The following CHN2 variants were observed in gnomAD, a reference collection of about 807,000 sequenced individuals.
CHN2 encodes beta-chimaerin.
Under a neutral mutation model 56.3 loss-of-function variants are expected in CHN2, and 35 were observed. The observed-to-expected ratio is 0.62, with a 90% CI of 0.47 to 0.82. CHN2 has a LOEUF of 0.82. CHN2 is among the 40% of genes least tolerant of loss of function. The pLI is 0.00. For missense variants in CHN2, 491 were observed against 580.5 expected, an observed-to-expected ratio of 0.85 and a Z score of 1.58; for synonymous variants, 210 against 212.8, an observed-to-expected ratio of 0.99 and a Z score of 0.12.
chr7:29,413,861 A>C (rs1481695647), intron 6 of CHN2, among the ~76,000 whole-genome samples: 1 of 152,160 alleles, frequency 6.6e-6, no homozygotes, highest in East Asian at 1.9e-4. Context: ...TCTTCCCAAT[A>C]TCGGTACTCA....
chr7:29,454,335 T>C (rs1209393376), intron 6 of CHN2, among the ~76,000 whole-genome samples: 2 of 140,260 alleles, frequency 1.4e-5, no homozygotes, highest in South Asian at 4.4e-4. Context: ...TCATTATTGC[T>C]GTTACATATC....
At chr7:29,285,651 A>C (rs1792088473) in intron 1 of CHN2, among the ~76,000 whole-genome samples, 1 of 152,212 alleles carries the variant, frequency 6.6e-6, no homozygotes, top group Non-Finnish European at 1.5e-5. Flanking sequence ...GTATGTCTTC[A>C]CCAACATGTA....
chr7:29,483,072 C>T (rs1490841739), intron 7 of CHN2, among the ~76,000 whole-genome samples: 4 of 151,972 alleles, frequency 2.6e-5, no homozygotes, highest in African/African-American at 4.8e-5. Context: ...CCGCCCGTCT[C>T]GGCCTCCCAA....
chr7:29,386,948 G>C (rs1399497142), intron 3 of CHN2, among the ~76,000 whole-genome samples: 2 of 152,218 alleles, frequency 1.3e-5, no homozygotes, highest in Non-Finnish European at 2.9e-5. Flanking sequence ...TGTAAATTTT[G>C]AGAGCCAACA....
intron 1 of CHN2, among the ~76,000 whole-genome samples, chr7:29,195,680 A>G (rs1393929066): frequency 6.7e-6 from 1 of 149,882 alleles, no homozygotes; most frequent in Non-Finnish European, 1.5e-5. Context: ...CTCCTTAGAG[A>G]TTTTCTGATA....
intron 8 of CHN2, 69 bp from the exon 9 acceptor site, chr7:29,499,798 C>G (rs1430148793): frequency 1.4e-6 from 2 of 1,394,000 alleles, no homozygotes; most frequent in East Asian, 2.4e-5. Context: ...TTATTTTTGG[C>G]AACATATAAT....
At chr7:29,309,656 G>A (rs958888632) in intron 1 of CHN2, among the ~76,000 whole-genome samples, 11 of 152,334 alleles carry the variant, frequency 7.2e-5, no homozygotes, top group South Asian at 2.1e-4. Context: ...ATCCAGTTGC[G>A]TAACTTCGGG....
At chr7:29,490,376 A>C (rs534526543) in intron 7 of CHN2, among the ~76,000 whole-genome samples, 19 of 152,220 alleles carry the variant, frequency 1.2e-4, no homozygotes, top group Admixed American at 1.2e-3. Context: ...TTATACTACC[A>C]TAGGATCTCC....
At chr7:29,195,210 G>T (rs1042511957) in intron 1 of CHN2, 4 of 472,732 alleles carry the variant, frequency 8.5e-6, no homozygotes, top group Non-Finnish European at 1.1e-5. Context: ...GAGAGCGGTG[G>T]TGCCCTTAGT....
intron 1 of CHN2, among the ~76,000 whole-genome samples, chr7:29,315,968 A>T (rs1324824233): frequency 6.6e-6 from 1 of 152,230 alleles, no homozygotes; most frequent in East Asian, 1.9e-4. Context: ...ATTTAATACC[A>T]TTCACCTAGT....
intron 1 of CHN2, among the ~76,000 whole-genome samples, chr7:29,278,996 T>TTC (rs397819234): frequency 5.2e-5 from 4 of 76,240 alleles, no homozygotes; most frequent in Non-Finnish European, 1.0e-4. Flanking sequence ...GGTCCAGCTG[T>TTC]CCCCCCCCAA....
chr7:29,296,097 T>C (rs1793135688), intron 1 of CHN2, among the ~76,000 whole-genome samples: 1 of 152,086 alleles, frequency 6.6e-6, no homozygotes, highest in African/African-American at 2.4e-5. Context: ...TTTTTTTTTT[T>C]TTTTAAGACA....
chr7:29,512,945 T>C lies in CHN2; in HGVS notation c.*210T>C. ...GTGAAGGTGAGGGAAGCCCCTCACC[T>C]TGGGTCTTTTGCTGTGCCTCCTATG... On this transcript the variant is annotated 3_prime_UTR_variant, in exon 13 of 13. Transcript: ENST00000222792. 1 of 476,246 alleles carries C rather than the reference T, an allele frequency of 2.1e-6. No homozygotes were observed. The highest frequency in any genetic ancestry group is 3.3e-5 in the East Asian group (1 of 30,332). The allele number at this position is 476,246 out of a possible 1,614,324, so 29.5% of individuals were successfully genotyped here.
At chr7:29,151,865 A>G (rs78014243) in intron 2 of CHN2, among the ~76,000 whole-genome samples, 1,867 of 152,384 alleles carry the variant, frequency 0.012, 21 homozygotes, top group Non-Finnish European at 0.019. Context: ...ATAGCCATCA[A>G]CACAATGTCT....
At chr7:29,320,361 G>T (rs751613900) in intron 1 of CHN2, among the ~76,000 whole-genome samples, 51 of 152,204 alleles carry the variant, frequency 3.4e-4, no homozygotes, top group Non-Finnish European at 5.6e-4. Context: ...GCCCCCTGCA[G>T]GGGGGTGCTA....
chr7:29,331,728 A>T (rs1270508907), intron 1 of CHN2, among the ~76,000 whole-genome samples: 2 of 152,164 alleles, frequency 1.3e-5, no homozygotes, highest in Admixed American at 1.3e-4. Flanking sequence ...AGGAGTGCAG[A>T]GGGTGGTTAA....
chr7:29,504,301 T>C (rs1220619049), intron 9 of CHN2, among the ~76,000 whole-genome samples: 1 of 152,174 alleles, frequency 6.6e-6, no homozygotes, highest in African/African-American at 2.4e-5. Flanking sequence ...ATCTTATGCC[T>C]GTATCAAAAT....
intron 1 of CHN2, among the ~76,000 whole-genome samples, chr7:29,197,155 C>T (rs1783800629): frequency 1.3e-5 from 2 of 152,142 alleles, no homozygotes; most frequent in African/African-American, 2.4e-5. Context: ...GGCAGCTGGG[C>T]TCTCTCAGGG....
intron 1 of CHN2, among the ~76,000 whole-genome samples, chr7:29,251,142 CA>C (rs1788479159): frequency 6.6e-6 from 1 of 152,144 alleles, no homozygotes; most frequent in South Asian, 2.1e-4. Context: ...GGATGTTTTG[CA>C]AGGGATTATG....
Sources: allele counts gnomAD v4.1 joint callset (sites outside exome capture counted in the v4.1 genomes callset), GRCh38; gene constraint gnomAD v4.1.1; transcripts MANE v1.5; gene names NCBI Gene and HGNC (gene_info 2026-07-23, HGNC 2026-07-21).